Variants in CTNNA2 observed in about 807,000 individuals in gnomAD.
CTNNA2 encodes catenin alpha-2.
Under a neutral mutation model 101.0 loss-of-function variants are expected in CTNNA2, and 42 were observed. The observed-to-expected ratio is 0.42, with a 90% CI of 0.32 to 0.54. The LOEUF (loss-of-function observed/expected upper bound fraction) is 0.54. Ranked by LOEUF, CTNNA2 falls within the 20% of genes least tolerant of loss-of-function variation. CTNNA2 has a pLI of 0.14. For missense variants in CTNNA2, 871 were observed against 1,223.1 expected (o/e 0.71, Z 4.29); for synonymous variants, 450 against 456.4 (o/e 0.99, Z 0.18).
At chr2:79,288,079 TG>T (rs1365516161) in intron 2 of CTNNA2, among the ~76,000 whole-genome samples, 2 of 152,226 alleles carry the variant, frequency 1.3e-5, no homozygotes, top group East Asian at 3.9e-4. Flanking sequence ...GCTTGCCAAG[TG>T]AGGCAATGCC....
chr2:79,322,637 T>C (rs1676651876), intron 3 of CTNNA2, among the ~76,000 whole-genome samples: 1 of 152,216 alleles, frequency 6.6e-6, no homozygotes, highest in Admixed American at 6.5e-5. Flanking sequence ...GAGCATATTC[T>C]CATCCACTTC....
intron 9 of CTNNA2, among the ~76,000 whole-genome samples, chr2:80,421,423 C>G (rs1378742987): frequency 3.9e-5 from 6 of 152,150 alleles, no homozygotes; most frequent in Admixed American, 3.9e-4. Context: ...GAATTTCAAA[C>G]TTAACATCTT....
chr2:80,028,453 T>G (rs1039574318), intron 7 of CTNNA2: 16 of 152,230 alleles, frequency 1.1e-4, no homozygotes, highest in African/African-American at 3.6e-4. Context: ...ACTGAATTTT[T>G]TCTAAGTTTT....
chr2:79,780,421 A>G (rs1674336423), intron 3 of CTNNA2, among the ~76,000 whole-genome samples: 1 of 152,224 alleles, frequency 6.6e-6, no homozygotes, highest in South Asian at 2.1e-4. Context: ...TGGAGACCTC[A>G]AAGAATCTTA....
chr2:79,498,165 A>G (rs1332116749), intron 4 of CTNNA2: 9 of 152,212 alleles, frequency 5.9e-5, no homozygotes, highest in Non-Finnish European at 7.3e-5. Flanking sequence ...CCTGAAAGAG[A>G]AATGAGATCC....
intron 1 of CTNNA2, among the ~76,000 whole-genome samples, chr2:79,189,707 C>T (rs907508918): frequency 6.6e-6 from 1 of 152,126 alleles, no homozygotes; most frequent in Non-Finnish European, 1.5e-5. Flanking sequence ...GAAAGGCACC[C>T]TCTGGAGTTA....
chr2:79,419,408 C>T (rs900248026), intron 4 of CTNNA2, among the ~76,000 whole-genome samples: 1 of 151,892 alleles, frequency 6.6e-6, no homozygotes, highest in Non-Finnish European at 1.5e-5. Flanking sequence ...AATATTGACT[C>T]ATTGATTGTA....
At chr2:79,237,865 G>A (rs755674797) in intron 2 of CTNNA2, among the ~76,000 whole-genome samples, 2 of 152,126 alleles carry the variant, frequency 1.3e-5, no homozygotes, top group African/African-American at 2.4e-5. Context: ...TTTGGTTTAC[G>A]GGAATGTTGT....
intron 2 of CTNNA2, among the ~76,000 whole-genome samples, chr2:79,258,543 A>C (rs1674877050): frequency 1.3e-5 from 2 of 152,162 alleles, no homozygotes; most frequent in Non-Finnish European, 2.9e-5. Context: ...AAGACTGGAA[A>C]TCTCAATGAT....
chr2:79,470,856 G>T (rs445551), intron 4 of CTNNA2, among the ~76,000 whole-genome samples: 1 of 151,934 alleles, frequency 6.6e-6, no homozygotes, highest in South Asian at 2.1e-4. Flanking sequence ...GGGCTCTAAC[G>T]TTCCTGCAAA....
intron 12 of CTNNA2, among the ~76,000 whole-genome samples, chr2:80,560,244 T>A (rs1693461773): frequency 2.0e-5 from 3 of 152,072 alleles, no homozygotes; most frequent in Non-Finnish European, 2.9e-5. Context: ...TTTACAACAT[T>A]TCTATATATT....
chr2:79,577,115 T>C (rs1436326420), intron 1 of CTNNA2, among the ~76,000 whole-genome samples: 3 of 152,236 alleles, frequency 2.0e-5, no homozygotes, highest in South Asian at 4.1e-4. Flanking sequence ...GCTTAATTCA[T>C]GTGTTTTAGA....
At chr2:79,889,185 A>AAC (rs138388817) in intron 6 of CTNNA2, among the ~76,000 whole-genome samples, 3 of 151,724 alleles carry the variant, frequency 2.0e-5, no homozygotes, top group African/African-American at 2.4e-5. Context: ...ACCACACACA[A>AAC]ACACACACAC....
At chr2:80,491,059 T>A (rs1194800345) in intron 9 of CTNNA2, among the ~76,000 whole-genome samples, 2 of 152,212 alleles carry the variant, frequency 1.3e-5, no homozygotes, top group Non-Finnish European at 2.9e-5. Flanking sequence ...GATAGGTATG[T>A]TTATTTCAGG....
At chr2:79,253,313 T>C (rs7426364) in intron 2 of CTNNA2, among the ~76,000 whole-genome samples, 93,590 of 152,076 alleles carry the variant, frequency 0.62, 29,119 homozygotes, top group East Asian at 0.65. Flanking sequence ...AAATGAGCTC[T>C]GAATACATTG....
Position 80,303,802 on chromosome 2 carries a change from G to A in CTNNA2, c.1057-89409G>A. ...TCAGCAGCCAGTATAGACAGAGACC[G>A]AGCAGCAGGAAATCCATTAGCGAGA... On this transcript the variant is annotated intron_variant, in intron 7 of 18. Transcript: ENST00000402739. This position sits in a 1 kb window ranked among gnomAD's most constrained non-coding sequence, Gnocchi z 7.7. 1 of 1,513,764 alleles carries A rather than the reference G, an allele frequency of 6.6e-7. No individual in the cohort carries two copies. The highest frequency in any genetic ancestry group is 8.8e-7 in the Non-Finnish European group (1 of 1,131,646). The allele number at this position is 1,513,764 out of a possible 1,614,324, so 93.8% of individuals were successfully genotyped here.
intron 6 of CTNNA2, among the ~76,000 whole-genome samples, chr2:79,882,552 C>A (rs1342318500): frequency 1.3e-5 from 2 of 152,212 alleles, no homozygotes; most frequent in Non-Finnish European, 2.9e-5. Flanking sequence ...AGCTGTCCAG[C>A]CTCCCTGGCT....
At chr2:79,220,619 T>TA (rs1385231022) in intron 2 of CTNNA2, among the ~76,000 whole-genome samples, 1 of 152,106 alleles carries the variant, frequency 6.6e-6, no homozygotes, top group Non-Finnish European at 1.5e-5. Context: ...ATGGGCATTG[T>TA]ACATTCTCTA....
rs914256765 is a variant in CTNNA2 at position 79,498,443 on chromosome 2, C to A, written c.-134-6611C>A. 3.3e-5 allele frequency among the ~76,000 whole-genome samples: 5 copies of A among 152,096 alleles called. No homozygotes were observed. In the East Asian group the frequency reaches 9.6e-4, roughly 29 times the overall value. On this transcript the variant is annotated intron_variant, in intron 4 of 21. Transcript: ENST00000466387. ...TTAGTAGGCTTTGATCTTTTGCATG[C>A]AAAAAATTAGCAAGCATGGTCTCCA...
Sources: gnomAD v4.1 joint callset for allele counts (sites outside exome capture counted in the v4.1 genomes callset) on GRCh38, gnomAD v4.1.1 for gene constraint, Gnocchi (gnomAD v3.1) non-coding constraint, MANE v1.5 for transcripts, NCBI Gene and HGNC (gene_info 2026-07-23, HGNC 2026-07-21) for gene names.